EIF2AK2: variants seen among roughly 807,000 people sequenced by gnomAD.
EIF2AK2 encodes the protein eukaryotic translation initiation factor 2 alpha kinase 2.
A neutral mutation model predicts 70.5 loss-of-function variants in EIF2AK2; 40 were observed. That is an observed-to-expected ratio of 0.57 (90% CI 0.44 to 0.74). The LOEUF (loss-of-function observed/expected upper bound fraction) is 0.74, where lower values mean the gene tolerates loss of function less well. Among genes scored for constraint, EIF2AK2 ranks in the 30% least tolerant of loss-of-function variants. The pLI, the probability that EIF2AK2 is intolerant of heterozygous loss-of-function variation, is 0.00. For synonymous variants in EIF2AK2, 198 were observed against 220.9 expected (o/e 0.90, Z 0.92); for missense variants, 555 against 644.3 (o/e 0.86, Z 1.50).
chr2:37,148,026 T>A lies in EIF2AK2; in HGVS notation c.-16-204A>T, dbSNP rs140115045. Among the ~76,000 whole-genome samples, 1,084 of 152,286 alleles carry A rather than the reference T, an allele frequency of 7.1e-3. 23 individuals carry two copies. Among genetic ancestry groups the A allele is most frequent in the African/African-American group, 0.025 (1,040 of 41,556 alleles). ...CAATAAAGTTAATTTCTCCAAAATT[T>A]TCTACTTTAAAAACTCAACTTGGCC... On this transcript the variant is annotated intron_variant, in intron 2 of 16. Coordinates refer to ENST00000233057, the MANE Select transcript of EIF2AK2 (RefSeq NM_001135651.3).
rs572058484 is a variant in EIF2AK2 at position 37,120,440 on chromosome 2, G to C, written c.1068-301C>G. ...GAGAATGGCGTGAACCCGGTAGGCG[G>C]AGCTTGCAGTGAGCCGAGATCACGC... is the stretch of plus-strand genomic sequence containing the variant. On this transcript the variant is annotated intron_variant, in intron 12 of 16. Coordinates refer to ENST00000233057, the MANE Select transcript of EIF2AK2 (RefSeq NM_001135651.3). 1.1e-3 allele frequency among the ~76,000 whole-genome samples: 160 copies of C among 148,926 alleles called. No homozygotes were observed. The Middle Eastern group carries it at 0.024, about 22-fold the overall frequency.
rs1411300285 is a variant in EIF2AK2 at position 37,138,320 on chromosome 2, A to T, written c.637T>A (p.Ser213Thr). 6.2e-7 allele frequency: 1 copy of T among 1,613,878 alleles called. No homozygotes were observed. The highest frequency in any genetic ancestry group is 1.7e-5 in the Admixed American group (1 of 59,996). The change falls in exon 8 of 17, where the codon TCA becomes ACA. Residue 213 changes from serine (S) to threonine (T), a missense_variant. By Grantham distance (58) the Ser-to-Thr change is moderately conservative. This residue lies in a region of EIF2AK2 where 208 missense variants were observed against 191.8 expected (regional missense o/e 1.08). Transcript: ENST00000233057. The part of the protein sequence containing the change: ...SSEGDFSADT[S>T]EINSNSDSLN... Reference sequence around the variant, plus strand: ...CTGTCACTGTTAGAATTTATCTCTGATGTATCTGCTGAGAAGTCACCTTCA... The same window carrying T: ...CTGTCACTGTTAGAATTTATCTCTGTTGTATCTGCTGAGAAGTCACCTTCA...
At position 37,138,412 on chromosome 2, in the gene EIF2AK2, C is replaced by CT. The variant is rs750851245; in HGVS notation, c.594-50dup. On this transcript the variant is annotated intron_variant, in intron 7 of 16. Transcript: ENST00000233057. ...TAGTTTATTAATTCTGTTTTTATCACTTATTTCTTTCCCTAAATTCTCCTT... is the reference window on the plus strand; with the variant it reads ...TAGTTTATTAATTCTGTTTTTATCACTTTATTTCTTTCCCTAAATTCTCCTT... The CT allele has an allele frequency of 8.8e-6, 14 of 1,599,590 alleles. No homozygotes were observed. The South Asian group carries it at 1.3e-4, about 15-fold the overall frequency.
chr2:37,107,163 T>C lies in EIF2AK2; in HGVS notation c.*110A>G, dbSNP rs1673989771. On this transcript the variant is annotated 3_prime_UTR_variant, in exon 17 of 17. Coordinates refer to ENST00000233057, the MANE Select transcript of EIF2AK2 (RefSeq NM_001135651.3). ...AAGATTAGTAAAAATAGTAAAAAAT[T>C]AAAGGAAACATTAAAATAAAAGGTA... is the stretch of plus-strand genomic sequence containing the variant. 7.7e-7 allele frequency: 1 copy of C among 1,305,370 alleles called. No homozygotes were observed. 80.9% of individuals were successfully genotyped at this position (1,305,370 alleles called of 1,614,324 possible). A position where few individuals can be genotyped will look rare whatever the true frequency, so the allele number is the denominator to read the frequency against.
At chr2:37,110,251 G>C (rs1674100514) in intron 14 of EIF2AK2, among the ~76,000 whole-genome samples, 1 of 148,328 alleles carries the variant, frequency 6.7e-6, no homozygotes, top group Non-Finnish European at 1.5e-5. Flanking sequence ...TTGTAGTTTT[G>C]TATTTCTGTA....
chr2:37,111,483 TC>T (rs1674144565), intron 14 of EIF2AK2, among the ~76,000 whole-genome samples: 1 of 149,540 alleles, frequency 6.7e-6, no homozygotes, highest in South Asian at 2.1e-4. Flanking sequence ...CACTGCAACC[TC>T]CACCTCCCGG....
chr2:37,154,989 T>C (rs766642598), intron 1 of EIF2AK2, among the ~76,000 whole-genome samples: 3 of 152,058 alleles, frequency 2.0e-5, no homozygotes, highest in Non-Finnish European at 4.4e-5. Flanking sequence ...TTTCTAGATA[T>C]TCTAGCATCA....
Position 37,147,701 on chromosome 2 carries a change from G to C in EIF2AK2, c.106C>G (p.Pro36Ala), listed in dbSNP as rs1480575725. The change falls in exon 3 of 17, where the codon CCA becomes GCA. Residue 36 changes from proline (P) to alanine (A), a missense_variant. Transcript: ENST00000233057. ...ATAGCAACCTACCTCCTATCATGTG[G>C]AGGTCCTGAATTAGGCAGTTCTTGA... ...KYQELPNSGP[P>A]HDRRFTFQVI... 6.2e-7 allele frequency: 1 copy of C among 1,610,726 alleles called. No homozygotes were observed. Among genetic ancestry groups the C allele is most frequent in the African/African-American group, 1.3e-5 (1 of 74,742 alleles).
chr2:37,131,678 T>C (rs1455789544), intron 10 of EIF2AK2, among the ~76,000 whole-genome samples: 2 of 152,000 alleles, frequency 1.3e-5, no homozygotes, highest in African/African-American at 2.4e-5. Flanking sequence ...TTACTTCCAC[T>C]CACATAAAGG....
At chr2:37,129,054 C>A (rs1293796891) in intron 10 of EIF2AK2, among the ~76,000 whole-genome samples, 6 of 152,044 alleles carry the variant, frequency 3.9e-5, no homozygotes, top group Non-Finnish European at 8.8e-5. Context: ...TCCCAATCCA[C>A]CCCAGATATT....
At chr2:37,113,094 G>T (rs1674214256) in intron 14 of EIF2AK2, among the ~76,000 whole-genome samples, 1 of 152,296 alleles carries the variant, frequency 6.6e-6, no homozygotes, top group East Asian at 1.9e-4. Context: ...TCAAATTGCA[G>T]TTAATTTTTA....
chr2:37,138,696 A>C, intron 6 of EIF2AK2, 111 bp from the exon 7 acceptor site: 4 of 820,206 alleles, frequency 4.9e-6, no homozygotes, highest in Non-Finnish European at 7.7e-6. Context: ...CCAAATCCAC[A>C]ACCATAAACA....
Position 37,120,002 on chromosome 2 carries a change from AC to A in EIF2AK2, c.1204del (p.Val402TrpfsTer9). 1 of 1,528,356 alleles carries A rather than the reference AC, an allele frequency of 6.5e-7. No individual in the cohort carries two copies. Among genetic ancestry groups the A allele is most frequent in the Non-Finnish European group, 8.8e-7 (1 of 1,133,416 alleles). The allele number at this position is 1,528,356 out of a possible 1,614,324, so 94.7% of individuals were successfully genotyped here. A position where few individuals can be genotyped will look rare whatever the true frequency, so the allele number is the denominator to read the frequency against. On this transcript the variant is annotated frameshift_variant, in exon 13 of 17. Coordinates refer to ENST00000233057, the MANE Select transcript of EIF2AK2 (RefSeq NM_001135651.3). LOFTEE classifies it high-confidence loss of function. Reference sequence around the variant, plus strand: ...TAATTTTTTTGAATGTATATAATCCACCCCTTTTGTTATTTGTTCAAAGAGT... The same window carrying A: ...TAATTTTTTTGAATGTATATAATCCACCCTTTTGTTATTTGTTCAAAGAGT... ...LELFEQITKG[V>X]DYIHSKKLIH... is the part of the protein sequence containing the mutation.
At chr2:37,153,914 AC>A (rs2148720199) in intron 1 of EIF2AK2, among the ~76,000 whole-genome samples, 1 of 152,344 alleles carries the variant, frequency 6.6e-6, no homozygotes. Context: ...CACAGTGGTT[AC>A]ACCCATGTTA....
chr2:37,121,383 G>A (rs1175224522), intron 12 of EIF2AK2, among the ~76,000 whole-genome samples: 1 of 151,410 alleles, frequency 6.6e-6, no homozygotes, highest in Non-Finnish European at 1.5e-5. Flanking sequence ...TACAATGCAG[G>A]AAACTAAATT....
intron 15 of EIF2AK2, 128 bp downstream of exon 15, chr2:37,109,066 C>G (rs1674058503): frequency 1.3e-6 from 1 of 742,370 alleles, no homozygotes; most frequent in African/African-American, 1.8e-5. Flanking sequence ...ATTCATATTT[C>G]ATTTGCAGTC....
chr2:37,152,222 T>C (rs911353726), intron 1 of EIF2AK2, among the ~76,000 whole-genome samples: 1 of 152,260 alleles, frequency 6.6e-6, no homozygotes, highest in Admixed American at 6.5e-5. Flanking sequence ...AATCAGATCC[T>C]GTAAACCTCT....
Position 37,141,384 on chromosome 2 carries a change from T to G in EIF2AK2, c.389+169A>C, listed in dbSNP as rs367781239. Among the ~76,000 whole-genome samples, 21 of 152,346 alleles carry G rather than the reference T, an allele frequency of 1.4e-4. 1 individual carries two copies. In the South Asian group the frequency reaches 4.3e-3, roughly 32 times the overall value. ...TAAATGGGTTCCATGGCTTCAGCAA[T>G]TAAGCATTTTAATTACAAATTATAA... is the stretch of plus-strand genomic sequence containing the variant. On this transcript the variant is annotated intron_variant, in intron 5 of 16. Transcript: ENST00000233057.
chr2:37,114,606 G>GAA (rs878867242), intron 14 of EIF2AK2, 125 bp downstream of exon 14: 2 of 794,660 alleles, frequency 2.5e-6, no homozygotes, highest in South Asian at 4.6e-5. Context: ...GGGTAGAAAA[G>GAA]AATGGTAAGG....
Sources: gnomAD v4.1 joint callset for allele counts (sites outside exome capture counted in the v4.1 genomes callset) on GRCh38, gnomAD v4.1.1 for gene constraint, gnomAD v4.1.1 regional missense constraint, MANE v1.5 for transcripts, NCBI Gene and HGNC (gene_info 2026-07-23, HGNC 2026-07-21) for gene names.